FTO: variants seen among roughly 807,000 people sequenced by gnomAD.
FTO encodes alpha-ketoglutarate-dependent dioxygenase FTO.
In FTO, 47 loss-of-function variants were observed where a neutral mutation model predicts 63.9. That is an observed-to-expected ratio of 0.74 (90% CI 0.58 to 0.94). The LOEUF (loss-of-function observed/expected upper bound fraction) is 0.94. FTO is among the 40% of genes least tolerant of loss of function. The pLI, the probability that FTO is intolerant of heterozygous loss-of-function variation, is 0.00. For missense variants in FTO, 562 were observed against 618.1 expected (o/e 0.91, Z 0.96); for synonymous variants, 207 against 224.4 (o/e 0.92, Z 0.69).
rs572777390 is a variant in FTO at position 54,118,246 on chromosome 16, G to A, written c.*6331G>A. 1.3e-5 allele frequency: 2 copies of A among 152,288 alleles called. No individual in the cohort carries two copies. The highest frequency in any genetic ancestry group is 6.5e-5 in the Admixed American group (1 of 15,296). The allele number at this position is 152,288 out of a possible 1,614,324, so 9.4% of individuals were successfully genotyped here. A position where few individuals can be genotyped will look rare whatever the true frequency, so the allele number is the denominator to read the frequency against. On this transcript the variant is annotated 3_prime_UTR_variant, in exon 9 of 9. Coordinates refer to ENST00000471389, the MANE Select transcript of FTO (RefSeq NM_001080432.3). Reference sequence around the variant, plus strand: ...AGGTGGGGCCAAAAGGGTCAAGACCGTTCTACAGGAAGTTTAGGAGAAGTT... The same window carrying A: ...AGGTGGGGCCAAAAGGGTCAAGACCATTCTACAGGAAGTTTAGGAGAAGTT...
intron 7 of FTO, among the ~76,000 whole-genome samples, chr16:53,914,639 C>T (rs1394543580): frequency 6.6e-6 from 1 of 152,078 alleles, no homozygotes; most frequent in African/African-American, 2.4e-5. Context: ...ACTGGAAAAG[C>T]GCTTTGTGTT....
At chr16:54,084,299 C>T (rs1443984674) in intron 8 of FTO, among the ~76,000 whole-genome samples, 1 of 152,192 alleles carries the variant, frequency 6.6e-6, no homozygotes, top group African/African-American at 2.4e-5. Flanking sequence ...ACAAATGTTA[C>T]TCCCCTTCCT....
rs1265402558 is a variant in FTO at position 53,869,740 on chromosome 16, T to C, written c.896-4046T>C. On this transcript the variant is annotated intron_variant, in intron 4 of 8. Coordinates refer to ENST00000471389, the MANE Select transcript of FTO (RefSeq NM_001080432.3). ...GATTCTTTCTTAGAATTTCCATCCC[T>C]CTGCTTACGTTCCCCATCAGTTCTT... 2.0e-5 allele frequency among the ~76,000 whole-genome samples: 3 copies of C among 152,332 alleles called. No homozygotes were observed. In the East Asian group the frequency reaches 5.8e-4, roughly 29 times the overall value.
At chr16:53,966,088 G>A (rs1198171466) in intron 8 of FTO, among the ~76,000 whole-genome samples, 7 of 152,076 alleles carry the variant, frequency 4.6e-5, no homozygotes, top group African/African-American at 7.2e-5. Flanking sequence ...GGCTGATCTC[G>A]AACTCCTGGC....
intron 8 of FTO, among the ~76,000 whole-genome samples, chr16:53,965,550 G>A (rs988923092): frequency 7.9e-5 from 12 of 152,166 alleles, no homozygotes; most frequent in Admixed American, 1.3e-4. Flanking sequence ...GAGGAGAGGT[G>A]TCAGCAGAAA....
At chr16:53,774,361 A>G (rs2151639325) in intron 1 of FTO, among the ~76,000 whole-genome samples, 1 of 152,266 alleles carries the variant, frequency 6.6e-6, no homozygotes, top group South Asian at 2.1e-4. Context: ...ATGTTGCTAT[A>G]ATTACCTAAG....
chr16:54,072,795 G>A lies in FTO; in HGVS notation c.1365-38967G>A, dbSNP rs751902899. Among the ~76,000 whole-genome samples the A allele has an allele frequency of 6.6e-5, 10 of 152,256 alleles. No individual in the cohort carries two copies. In the East Asian group the frequency reaches 1.7e-3, roughly 27 times the overall value. On this transcript the variant is annotated intron_variant, in intron 8 of 8. Coordinates refer to ENST00000471389, the MANE Select transcript of FTO (RefSeq NM_001080432.3). Reference sequence around the variant, plus strand: ...CTAGGAAGTACCACAGGGGGCTTCCGTTTTGGAAGGAGCTTCCCTCTGACT... The same window carrying A: ...CTAGGAAGTACCACAGGGGGCTTCCATTTTGGAAGGAGCTTCCCTCTGACT...
intron 4 of FTO, among the ~76,000 whole-genome samples, chr16:53,871,608 T>C (rs1238064573): frequency 2.0e-5 from 3 of 152,196 alleles, no homozygotes; most frequent in African/African-American, 7.2e-5. Context: ...CTGTTACTTT[T>C]TGAATGGATG....
At chr16:54,098,944 CT>C (rs1338177743) in intron 8 of FTO, among the ~76,000 whole-genome samples, 1 of 152,186 alleles carries the variant, frequency 6.6e-6, no homozygotes, top group Admixed American at 6.5e-5. Flanking sequence ...CCTTGGATTT[CT>C]AATCAGAAGT....
chr16:53,847,625 G>A (rs1048453869), intron 4 of FTO, among the ~76,000 whole-genome samples: 3 of 151,862 alleles, frequency 2.0e-5, no homozygotes, highest in Non-Finnish European at 2.9e-5. Flanking sequence ...AAAATTAGCC[G>A]GGTGTGGTGG....
chr16:53,790,887 T>C (rs1372750590), intron 1 of FTO, among the ~76,000 whole-genome samples: 2 of 152,218 alleles, frequency 1.3e-5, no homozygotes, highest in South Asian at 4.2e-4. Context: ...CTTTAGGAAG[T>C]TTAGTAGAAA....
rs1000704700 is a variant in FTO, at chr16:54,005,261, T to C, written c.1364+71152T>C. Among the ~76,000 whole-genome samples the C allele has an allele frequency of 6.1e-5, 9 of 146,630 alleles. No individual in the cohort carries two copies. The South Asian group carries it at 1.1e-3, about 17-fold the overall frequency. On this transcript the variant is annotated intron_variant, in intron 8 of 8. Transcript: ENST00000471389. The stretch of plus-strand genomic sequence containing the variant: ...ATATTTTTATTTTATTTTATATTAT[T>C]AAATTAATATATTTTTATTTTATAA...
At chr16:53,905,721 T>G (rs1314271050) in intron 7 of FTO, among the ~76,000 whole-genome samples, 5 of 152,218 alleles carry the variant, frequency 3.3e-5, no homozygotes, top group Non-Finnish European at 7.3e-5. Context: ...CCTGTGCTAT[T>G]CTATAAGCAC....
chr16:53,973,022 G>A (rs1184407067), intron 8 of FTO, among the ~76,000 whole-genome samples: 2 of 152,182 alleles, frequency 1.3e-5, no homozygotes, highest in African/African-American at 4.8e-5. Flanking sequence ...GGTTAACGGA[G>A]AAAGTAAGGC....
Position 53,826,171 on chromosome 16 carries a change from A to C in FTO, c.431A>C (p.Asp144Ala). The change falls in exon 3 of 9, where the codon GAC (aspartate) becomes GCC (alanine). Residue 144 changes from aspartate (D) to alanine (A), a missense_variant. Transcript: ENST00000471389. ...AACETFLKLN[D>A]YLQIETIQAL... ...TGTGAGACCTTCCTCAAGCTCAATG[A>C]CTACCTGCAGATAGAAACCATCCAG... 1.2e-6 allele frequency: 2 copies of C among 1,614,184 alleles called. No individual in the cohort carries two copies. Among genetic ancestry groups the C allele is most frequent in the Non-Finnish European group, 1.7e-6 (2 of 1,180,038 alleles).
chr16:53,915,154 C>T (rs1003536632), intron 7 of FTO, among the ~76,000 whole-genome samples: 1 of 152,120 alleles, frequency 6.6e-6, no homozygotes, highest in Non-Finnish European at 1.5e-5. Flanking sequence ...CATTTTGTTC[C>T]TTTGACCTGT....
chr16:54,014,617 C>G (rs1326023709), intron 8 of FTO, among the ~76,000 whole-genome samples: 6 of 151,980 alleles, frequency 3.9e-5, no homozygotes, highest in Non-Finnish European at 2.9e-5. Flanking sequence ...AGGACACCCC[C>G]CAAATGTGAG....
At chr16:53,857,068 A>C (rs2080021377) in intron 4 of FTO, among the ~76,000 whole-genome samples, 1 of 125,016 alleles carries the variant, frequency 8.0e-6, no homozygotes, top group Non-Finnish European at 1.5e-5. Flanking sequence ...ATTGGTATGG[A>C]AGTATTTTTT....
chr16:53,932,774 C>T (rs935599140), intron 7 of FTO, among the ~76,000 whole-genome samples: 13 of 152,070 alleles, frequency 8.5e-5, no homozygotes, highest in African/African-American at 2.7e-4. Context: ...GATCTGGCCT[C>T]GGAAAGTTCT....
Sources: gnomAD v4.1 joint callset for allele counts (sites outside exome capture counted in the v4.1 genomes callset) on GRCh38, gnomAD v4.1.1 for gene constraint, MANE v1.5 for transcripts, NCBI Gene and HGNC (gene_info 2026-07-23, HGNC 2026-07-21) for gene names.